COLEC11: variants seen among roughly 807,000 people sequenced by gnomAD.
COLEC11 encodes collectin subfamily member 11.
Under a neutral mutation model 27.3 loss-of-function variants are expected in COLEC11, and 20 were observed. The ratio of observed to expected loss-of-function variants is 0.73; its 90% confidence interval spans 0.51 to 1.06. The LOEUF (loss-of-function observed/expected upper bound fraction) is 1.06, where lower values mean the gene tolerates loss of function less well. COLEC11 is among the 50% of genes least tolerant of loss of function. The pLI, the probability that COLEC11 is intolerant of heterozygous loss-of-function variation, is 0.00. For missense variants in COLEC11, 310 were observed against 383.0 expected (o/e 0.81, Z 1.59); for synonymous variants, 163 against 154.7 (o/e 1.05, Z -0.40).
At chr2:3,603,653 A>G (rs1326528142) in intron 1 of COLEC11, 1 of 1,550,954 alleles carries the variant, frequency 6.4e-7, no homozygotes, top group East Asian at 2.4e-5. Flanking sequence ...ACGATGAAGA[A>G]ACAAAGAGGT....
At chr2:3,642,338 G>C (rs1353025742) in intron 5 of COLEC11, among the ~76,000 whole-genome samples, 1 of 152,176 alleles carries the variant, frequency 6.6e-6, no homozygotes, top group African/African-American at 2.4e-5. Flanking sequence ...TATGGGAACG[G>C]AATGAGCTCA....
chr2:3,616,752 AAG>A (rs1663778849), intron 3 of COLEC11, among the ~76,000 whole-genome samples: 1 of 149,772 alleles, frequency 6.7e-6, no homozygotes. Flanking sequence ...AGATCGTGGA[AAG>A]AGAGGGAGAG....
chr2:3,642,778 C>T (rs939086944), intron 5 of COLEC11, among the ~76,000 whole-genome samples: 23 of 152,192 alleles, frequency 1.5e-4, no homozygotes, highest in African/African-American at 5.1e-4. Context: ...GTCCTGTGGG[C>T]GCGGCCTGCC....
chr2:3,643,937 G>A lies in COLEC11; in HGVS notation c.635G>A (p.Gly212Asp). 6.2e-7 allele frequency: 1 copy of A among 1,614,174 alleles called. No individual in the cohort carries two copies. Residue 212 changes from glycine (G) to aspartate (D), a missense_variant, in exon 7 of 7, where the codon GGC (glycine) becomes GAC (aspartate). Coordinates refer to ENST00000349077, the MANE Select transcript of COLEC11 (RefSeq NM_024027.5). Reference protein sequence around the residue: ...FIGINDLEKEGAFVYSDHSPM... With the variant: ...FIGINDLEKEDAFVYSDHSPM... ...GGCATCAACGACCTGGAGAAGGAGG[G>A]CGCCTTCGTGTACTCTGACCACTCC...
chr2:3,629,748 TAAC>T (rs1303113228), intron 3 of COLEC11, among the ~76,000 whole-genome samples: 1 of 152,160 alleles, frequency 6.6e-6, no homozygotes, highest in Admixed American at 6.5e-5. Context: ...TGTTTTGAGA[TAAC>T]AAAGCCAGGC....
At chr2:3,604,189 A>G (rs1662450501) in intron 1 of COLEC11, 126 bp from the exon 2 acceptor site, 11 of 1,012,722 alleles carry the variant, frequency 1.1e-5, no homozygotes, top group Admixed American at 1.8e-5. Context: ...AGCACCCGCC[A>G]TGGGGGCCCA....
At chr2:3,634,091 T>C (rs1665212012) in intron 3 of COLEC11, among the ~76,000 whole-genome samples, 2 of 152,108 alleles carry the variant, frequency 1.3e-5, no homozygotes, top group Admixed American at 1.3e-4. Context: ...TACCAGCACC[T>C]TGGGGTCACG....
chr2:3,618,353 T>C (rs7571039), intron 3 of COLEC11, among the ~76,000 whole-genome samples: 3,627 of 152,352 alleles, frequency 0.024, 152 homozygotes, highest in African/African-American at 0.081. Context: ...TCTTCTATTT[T>C]GAGCTGATTT....
intron 3 of COLEC11, among the ~76,000 whole-genome samples, chr2:3,613,952 A>C (rs961524255): frequency 4.7e-5 from 7 of 149,674 alleles, no homozygotes; most frequent in African/African-American, 1.7e-4. Context: ...AATTTTTTTA[A>C]GTGTTTTTTC....
chr2:3,626,030 T>C (rs1257261563), intron 3 of COLEC11: 2 of 1,614,114 alleles, frequency 1.2e-6, no homozygotes, highest in South Asian at 2.2e-5. Context: ...CAGCCAGTCG[T>C]GACAGCTTCT....
chr2:3,611,188 G>A (rs1043835372), intron 2 of COLEC11, among the ~76,000 whole-genome samples: 2 of 102,678 alleles, frequency 1.9e-5, no homozygotes, highest in African/African-American at 3.0e-5. Flanking sequence ...TCTCAACTTC[G>A]TAACTTCAAA....
intron 4 of COLEC11, among the ~76,000 whole-genome samples, chr2:3,638,447 C>T (rs1026382174): frequency 6.6e-6 from 1 of 152,144 alleles, no homozygotes; most frequent in Non-Finnish European, 1.5e-5. Flanking sequence ...TGAGCACTGG[C>T]GGTGGAGGGA....
chr2:3,604,934 T>C, intron 2 of COLEC11: 1 of 419,044 alleles, frequency 2.4e-6, no homozygotes, highest in South Asian at 1.8e-5. Flanking sequence ...CCTGGTGGTC[T>C]AGTGGTTAGG....
At chr2:3,626,018 C>T (rs1317937128) in intron 3 of COLEC11, 1 of 1,613,652 alleles carries the variant, frequency 6.2e-7, no homozygotes, top group Non-Finnish European at 8.5e-7. Flanking sequence ...TTCCAGCAGT[C>T]ACAGCCAGTC....
chr2:3,630,201 T>C (rs1006471197), intron 3 of COLEC11, among the ~76,000 whole-genome samples: 3 of 152,168 alleles, frequency 2.0e-5, no homozygotes, highest in Non-Finnish European at 4.4e-5. Flanking sequence ...GTGTATAGTA[T>C]GTATGTGTGC....
In COLEC11 at chr2:3,625,625, C is replaced by CTTTTTTTTTTTTTTTTT. The variant is rs60222284; in HGVS notation, c.203-11905_203-11889dup. The stretch of plus-strand genomic sequence containing the variant: ...GGAAAGTTTCTTTTCTTCTTTTTTA[C>CTTTTTTTTTTTTTTTTT]TTTTTTTTTTTTTTTTTTTGAGACA... On this transcript the variant is annotated intron_variant, in intron 3 of 6. Transcript: ENST00000349077. 9.8e-4 allele frequency among the ~76,000 whole-genome samples: 90 copies of CTTTTTTTTTTTTTTTTT among 91,448 alleles called. 4 individuals are homozygous for CTTTTTTTTTTTTTTTTT. Among genetic ancestry groups the CTTTTTTTTTTTTTTTTT allele is most frequent in the African/African-American group, 2.2e-3 (45 of 20,854 alleles). 60.0% of individuals were successfully genotyped at this position (91,448 alleles called of 152,430 possible). A position where few individuals can be genotyped will look rare whatever the true frequency, so the allele number is the denominator to read the frequency against.
intron 3 of COLEC11, among the ~76,000 whole-genome samples, chr2:3,620,515 G>A (rs767047622): frequency 1.3e-5 from 2 of 150,814 alleles, no homozygotes; most frequent in Non-Finnish European, 3.0e-5. Flanking sequence ...TTGTCGCTTT[G>A]CTACAGCTTT....
At chr2:3,612,229 CAT>C (rs1371929392) in intron 2 of COLEC11, among the ~76,000 whole-genome samples, 6 of 145,130 alleles carry the variant, frequency 4.1e-5, no homozygotes, top group Admixed American at 6.7e-5. Context: ...CACGCACACA[CAT>C]GCACCCACGC....
At chr2:3,643,033 C>T (rs1039955607) in intron 5 of COLEC11, among the ~76,000 whole-genome samples, 2 of 152,246 alleles carry the variant, frequency 1.3e-5, no homozygotes, top group East Asian at 1.9e-4. Context: ...GCCACTGCGC[C>T]CTTCAGCTCC....
Sources: allele counts gnomAD v4.1 joint callset (sites outside exome capture counted in the v4.1 genomes callset), GRCh38; gene constraint gnomAD v4.1.1; transcripts MANE v1.5; gene names NCBI Gene and HGNC (gene_info 2026-07-23, HGNC 2026-07-21).